TNFRSF21: variants seen among roughly 807,000 people sequenced by gnomAD.
TNFRSF21 encodes the protein tumor necrosis factor receptor superfamily member 21.
TNFRSF21 carries 19 observed loss-of-function variants against 45.6 expected under a neutral mutation model. The ratio of observed to expected loss-of-function variants is 0.42; its 90% CI spans 0.29 to 0.61. The LOEUF is 0.61. TNFRSF21 is among the 20% of genes least tolerant of loss of function. TNFRSF21 has a pLI of 0.23. For missense variants in TNFRSF21, 737 were observed against 851.5 expected (o/e 0.87, Z 1.67); for synonymous variants, 314 against 335.5 (o/e 0.94, Z 0.70).
At chr6:47,280,634 C>A (rs1470460258) in intron 3 of TNFRSF21, among the ~76,000 whole-genome samples, 2 of 152,114 alleles carry the variant, frequency 1.3e-5, no homozygotes, top group Non-Finnish European at 2.9e-5. Flanking sequence ...TAGGATCAGG[C>A]TTTGTTTGAT....
chr6:47,231,807 CT>C lies in TNFRSF21; in HGVS notation c.*957del, dbSNP rs1764585908. 6.6e-6 allele frequency: 1 copy of C among 152,578 alleles called. No individual in the cohort carries two copies. The highest frequency in any genetic ancestry group is 2.4e-5 in the African/African-American group (1 of 41,410). The allele number at this position is 152,578 out of a possible 1,614,324, so 9.5% of individuals were successfully genotyped here. On this transcript the variant is annotated 3_prime_UTR_variant, in exon 6 of 6. Transcript: ENST00000296861. Reference sequence around the variant, plus strand: ...CCAAGGCCTTGAGAGCAGATTGGACCTATTGATTATGTGTATATAAAAAACA... The same window carrying C: ...CCAAGGCCTTGAGAGCAGATTGGACCATTGATTATGTGTATATAAAAAACA...
chr6:47,294,474 C>T (rs1040578138), intron 1 of TNFRSF21, among the ~76,000 whole-genome samples: 2 of 152,138 alleles, frequency 1.3e-5, no homozygotes, highest in African/African-American at 4.8e-5. Context: ...AGGAGAAAAC[C>T]CAAAGCCTCC....
At position 47,259,851 on chromosome 6, in the gene TNFRSF21, T is replaced by C. The variant is rs376702194; in HGVS notation, c.1244-6330A>G. ...CATGAGGATGGGAAGGATCAGGTAG[T>C]GGGAAGATCATTGGTAGTAGTCACA... On this transcript the variant is annotated intron_variant, in intron 3 of 5. Transcript: ENST00000296861. Among the ~76,000 whole-genome samples, 134 of 152,318 alleles carry C rather than the reference T, an allele frequency of 8.8e-4. 3 individuals carry two copies. The highest frequency in any genetic ancestry group is 6.8e-3 in the South Asian group (33 of 4,828).
At chr6:47,305,961 A>G (rs1762935121) in intron 1 of TNFRSF21, among the ~76,000 whole-genome samples, 1 of 152,188 alleles carries the variant, frequency 6.6e-6, no homozygotes, top group African/African-American at 2.4e-5. Context: ...TAAAGCTCTC[A>G]TGGATCTTGT....
At chr6:47,277,955 A>G (rs1037858971) in intron 3 of TNFRSF21, among the ~76,000 whole-genome samples, 11 of 152,190 alleles carry the variant, frequency 7.2e-5, no homozygotes, top group African/African-American at 9.6e-5. Context: ...CCATTTCCAC[A>G]CTAGTTAAAC....
intron 3 of TNFRSF21, among the ~76,000 whole-genome samples, chr6:47,255,089 G>A (rs1764960983): frequency 6.6e-6 from 1 of 152,212 alleles, no homozygotes; most frequent in Non-Finnish European, 1.5e-5. Flanking sequence ...CTGACAGACA[G>A]CTGTCCCCAA....
chr6:47,303,302 A>G (rs1354733316), intron 1 of TNFRSF21, among the ~76,000 whole-genome samples: 1 of 152,244 alleles, frequency 6.6e-6, no homozygotes, highest in African/African-American at 2.4e-5. Flanking sequence ...TTAGCTTACT[A>G]AGTGCCCCCC....
At chr6:47,284,661 C>T (rs1437706997) in intron 2 of TNFRSF21, among the ~76,000 whole-genome samples, 1 of 152,180 alleles carries the variant, frequency 6.6e-6, no homozygotes, top group Non-Finnish European at 1.5e-5. Context: ...ACACCAAAAC[C>T]AAGGGCAACC....
chr6:47,236,974 A>C (rs539895702), intron 4 of TNFRSF21, among the ~76,000 whole-genome samples: 97 of 152,088 alleles, frequency 6.4e-4, no homozygotes, highest in Admixed American at 6.3e-3. Flanking sequence ...TGAAATGTTT[A>C]ATTTCCCCCC....
At chr6:47,291,722 A>C (rs1477251629) in intron 1 of TNFRSF21, among the ~76,000 whole-genome samples, 1 of 152,240 alleles carries the variant, frequency 6.6e-6, no homozygotes, top group African/African-American at 2.4e-5. Context: ...TCCAAGTAAG[A>C]ATTCATTTGC....
intron 1 of TNFRSF21, among the ~76,000 whole-genome samples, chr6:47,308,092 G>A (rs527738165): frequency 1.3e-5 from 2 of 152,332 alleles, no homozygotes; most frequent in South Asian, 4.1e-4. Flanking sequence ...CCTTGGCCAT[G>A]CCATTAATAA....
chr6:47,249,705 C>A (rs73736381), intron 4 of TNFRSF21, among the ~76,000 whole-genome samples: 1 of 152,062 alleles, frequency 6.6e-6, no homozygotes, highest in African/African-American at 2.4e-5. Flanking sequence ...AAAACAAAAG[C>A]GAAGTATAAG....
intron 3 of TNFRSF21, among the ~76,000 whole-genome samples, chr6:47,271,301 C>T (rs536985085): frequency 3.9e-5 from 6 of 152,334 alleles, no homozygotes; most frequent in African/African-American, 1.4e-4. Context: ...GCCCATCAGA[C>T]TAACAGTGGA....
At chr6:47,257,434 T>A (rs1765004291) in intron 3 of TNFRSF21, among the ~76,000 whole-genome samples, 1 of 152,308 alleles carries the variant, frequency 6.6e-6, no homozygotes, top group South Asian at 2.1e-4. Flanking sequence ...GTGGAGTTGA[T>A]AAATCAAAGA....
chr6:47,277,132 T>C (rs1423462133), intron 3 of TNFRSF21, among the ~76,000 whole-genome samples: 1 of 152,182 alleles, frequency 6.6e-6, no homozygotes, highest in Admixed American at 6.5e-5. Flanking sequence ...TACCTGGGAT[T>C]ACAGGCGCCC....
intron 1 of TNFRSF21, among the ~76,000 whole-genome samples, chr6:47,293,556 T>A (rs965968748): frequency 1.4e-4 from 21 of 152,310 alleles, no homozygotes; most frequent in Admixed American, 1.2e-3. Context: ...AGAGAAAGTC[T>A]GTCAACACCT....
chr6:47,251,194 G>C (rs1764897120), intron 4 of TNFRSF21, among the ~76,000 whole-genome samples: 1 of 152,114 alleles, frequency 6.6e-6, no homozygotes, highest in Admixed American at 6.5e-5. Flanking sequence ...ATTAAAATTA[G>C]AGTTAGAGCT....
At chr6:47,273,431 T>C (rs761432070) in intron 3 of TNFRSF21, among the ~76,000 whole-genome samples, 1 of 152,222 alleles carries the variant, frequency 6.6e-6, no homozygotes, top group Non-Finnish European at 1.5e-5. Context: ...TCTCAATAGA[T>C]GCAGAAAAGG....
chr6:47,245,451 TGTGTGTTTGTG>T (rs760434524), intron 4 of TNFRSF21, among the ~76,000 whole-genome samples: 1 of 128,930 alleles, frequency 7.8e-6, no homozygotes, highest in Non-Finnish European at 1.6e-5. Flanking sequence ...TGTGTGTGTG[TGTGTGTTTGTG>T]TGTGTGTGTG....
Sources: allele counts gnomAD v4.1 joint callset (sites outside exome capture counted in the v4.1 genomes callset), GRCh38; gene constraint gnomAD v4.1.1; transcripts MANE v1.5; gene names NCBI Gene and HGNC (gene_info 2026-07-23, HGNC 2026-07-21).